YAP1: variants seen among roughly 807,000 people sequenced by gnomAD.
The protein encoded by YAP1 is Yes1 associated transcriptional regulator, also known as transcriptional coactivator YAP1.
In YAP1, 5 loss-of-function variants were observed where a neutral mutation model predicts 56.9. That is an observed-to-expected ratio of 0.09 (90% CI 0.05 to 0.18). The LOEUF (loss-of-function observed/expected upper bound fraction) is 0.18. YAP1 is among the 10% of genes least tolerant of loss of function. YAP1 has a pLI of 1.00. For synonymous variants in YAP1, 265 were observed against 248.1 expected, an observed-to-expected ratio of 1.07 and a Z score of -0.64; for missense variants, 539 against 651.8, an observed-to-expected ratio of 0.83 and a Z score of 1.88.
intron 3 of YAP1, among the ~76,000 whole-genome samples, chr11:102,171,791 C>T (rs968677547): frequency 2.6e-5 from 4 of 152,126 alleles, no homozygotes; most frequent in African/African-American, 9.7e-5. Context: ...GTATTTTTCC[C>T]TTCTTAAATC....
chr11:102,219,317 G>A (rs1432099290), intron 6 of YAP1, among the ~76,000 whole-genome samples: 1 of 152,126 alleles, frequency 6.6e-6, no homozygotes, highest in Non-Finnish European at 1.5e-5. Flanking sequence ...CTGGCCTTAG[G>A]GGGTACAGCA....
rs2135080541 is a variant in YAP1 at position 102,110,482 on chromosome 11, G to C, written c.-367G>C. ...CGCAGCCGCCGCCAGGGAAAAGAAA[G>C]GGAGGAAGGAAGGAACAAGAAAAGG... On this transcript the variant is annotated 5_prime_UTR_variant, in exon 1 of 9. Coordinates refer to ENST00000282441, the MANE Select transcript of YAP1 (RefSeq NM_001130145.3). The C allele has an allele frequency of 6.4e-6, 1 of 157,086 alleles. No homozygotes were observed. The highest frequency in any genetic ancestry group is 6.5e-5 in the Admixed American group (1 of 15,470). 9.7% of individuals were successfully genotyped at this position (157,086 alleles called of 1,614,324 possible).
chr11:102,218,163 A>G (rs1949750674), intron 6 of YAP1, among the ~76,000 whole-genome samples: 1 of 152,104 alleles, frequency 6.6e-6, no homozygotes, highest in Non-Finnish European at 1.5e-5. Flanking sequence ...AAGTTTCAAA[A>G]CTCAGCTGAG....
chr11:102,229,798 T>C lies in YAP1; in HGVS notation c.1373T>C (p.Leu458Pro), dbSNP rs1950373708. 6.2e-7 allele frequency: 1 copy of C among 1,613,978 alleles called. No individual in the cohort carries two copies. Among genetic ancestry groups the C allele is most frequent in the African/African-American group, 1.3e-5 (1 of 74,908 alleles). The change falls in exon 9 of 9, where the codon CTG (leucine) becomes CCG (proline). Residue 458 changes from leucine to proline, a missense_variant. Coordinates refer to ENST00000282441, the MANE Select transcript of YAP1 (RefSeq NM_001130145.3). ...IPGTNVDLGT[L>P]EGDGMNIEGE... ...GGGACAAATGTGGACCTTGGAACACTGGAAGGAGATGGAATGAACATAGAA... is the reference window on the plus strand; with the variant it reads ...GGGACAAATGTGGACCTTGGAACACCGGAAGGAGATGGAATGAACATAGAA...
At chr11:102,194,961 T>C (rs545636949) in intron 4 of YAP1, among the ~76,000 whole-genome samples, 1 of 152,312 alleles carries the variant, frequency 6.6e-6, no homozygotes, top group Non-Finnish European at 1.5e-5. Context: ...TATCTCTGTG[T>C]TGCTCAGTCT....
intron 2 of YAP1, among the ~76,000 whole-genome samples, chr11:102,116,224 A>G (rs1324917565): frequency 2.0e-5 from 3 of 152,160 alleles, no homozygotes; most frequent in Admixed American, 6.5e-5. Flanking sequence ...CCTTGTCATT[A>G]TTTCCTAAAT....
intron 5 of YAP1, among the ~76,000 whole-genome samples, chr11:102,208,964 C>G (rs1020960775): frequency 2.0e-5 from 3 of 152,192 alleles, no homozygotes; most frequent in Admixed American, 1.3e-4. Context: ...CTCAAACTTA[C>G]TCTGGGTGAT....
chr11:102,114,385 ACTT>A lies in YAP1; in HGVS notation c.567_569del (p.Phe189del). 6.2e-7 allele frequency: 1 copy of A among 1,612,382 alleles called. No homozygotes were observed. The highest frequency in any genetic ancestry group is 8.5e-7 in the Non-Finnish European group (1 of 1,178,440). ...GCAAAGACATCTTCTGGTCAGAGAT[ACTT>A]CTTAAAGTAAGTGAAAATAATGGTG... On this transcript the variant is annotated inframe_deletion, in exon 2 of 9. Transcript: ENST00000282441.
In YAP1 at chr11:102,165,635, G is replaced by A. The variant is rs565846669; in HGVS notation, c.688+3064G>A. ...GAAGAGGCTTGAGCATGTTTACAGCGTGCTAGAAGGTATTTAACAATAATA... is the reference window on the plus strand; with the variant it reads ...GAAGAGGCTTGAGCATGTTTACAGCATGCTAGAAGGTATTTAACAATAATA... On this transcript the variant is annotated intron_variant, in intron 3 of 8. Coordinates refer to ENST00000282441, the MANE Select transcript of YAP1 (RefSeq NM_001130145.3). 1.1e-4 allele frequency among the ~76,000 whole-genome samples: 16 copies of A among 152,120 alleles called. 1 individual carries two copies. Among genetic ancestry groups the A allele is most frequent in the South Asian group, 1.0e-3 (5 of 4,824 alleles).
At position 102,188,747 on chromosome 11, in the gene YAP1, T is replaced by C. The variant is rs539920352; in HGVS notation, c.802+2616T>C. ...GTTTGTGTAAGTACTCTCTAAGATG[T>C]TTGCACAGTGACAGAATTGCCAATG... On this transcript the variant is annotated intron_variant, in intron 4 of 8. Transcript: ENST00000282441. Among the ~76,000 whole-genome samples the C allele has an allele frequency of 2.0e-5, 3 of 152,294 alleles. No individual in the cohort carries two copies. The East Asian group carries it at 5.8e-4, about 29-fold the overall frequency.
chr11:102,123,325 T>A (rs955186144), intron 2 of YAP1, among the ~76,000 whole-genome samples: 1 of 152,208 alleles, frequency 6.6e-6, no homozygotes, highest in Non-Finnish European at 1.5e-5. Context: ...TTTGTTTTCC[T>A]GCTCTGTGCT....
intron 2 of YAP1, among the ~76,000 whole-genome samples, chr11:102,118,033 A>C (rs899179407): frequency 6.6e-6 from 1 of 152,120 alleles, no homozygotes; most frequent in African/African-American, 2.4e-5. Context: ...TTTACTTGCA[A>C]GTTTATTTTA....
intron 3 of YAP1, among the ~76,000 whole-genome samples, chr11:102,164,273 T>G (rs1483290307): frequency 6.6e-6 from 1 of 152,174 alleles, no homozygotes; most frequent in Non-Finnish European, 1.5e-5. Flanking sequence ...GACCTTGTGA[T>G]CTGCCCACCT....
In YAP1 at chr11:102,193,627, A is replaced by G. The variant is rs80315104; in HGVS notation, c.802+7496A>G. ...ACTTGATCAGTATTTCATTGATGCA[A>G]TTAGTTAATTATACAGTGAAGAAAC... is the stretch of plus-strand genomic sequence containing the variant. On this transcript the variant is annotated intron_variant, in intron 4 of 8. Coordinates refer to ENST00000282441, the MANE Select transcript of YAP1 (RefSeq NM_001130145.3). 2.7e-3 allele frequency among the ~76,000 whole-genome samples: 407 copies of G among 152,266 alleles called. 1 individual carries two copies. The highest frequency in any genetic ancestry group is 9.4e-3 in the African/African-American group (389 of 41,564).
intron 2 of YAP1, among the ~76,000 whole-genome samples, chr11:102,150,275 C>T (rs1315618747): frequency 6.6e-6 from 1 of 152,042 alleles, no homozygotes; most frequent in East Asian, 1.9e-4. Context: ...TGAGCCACTG[C>T]GCCCAGCCTG....
chr11:102,189,710 C>A (rs1287748519), intron 4 of YAP1, among the ~76,000 whole-genome samples: 1 of 152,124 alleles, frequency 6.6e-6, no homozygotes, highest in East Asian at 1.9e-4. Flanking sequence ...AACTTGCTTT[C>A]TGTGCATTTA....
chr11:102,195,454 G>T (rs1330990335), intron 4 of YAP1, among the ~76,000 whole-genome samples: 1 of 152,194 alleles, frequency 6.6e-6, no homozygotes, highest in Non-Finnish European at 1.5e-5. Context: ...GAGGCTGGGA[G>T]TTGGTGCTGG....
intron 2 of YAP1, among the ~76,000 whole-genome samples, chr11:102,141,468 T>A (rs1228494345): frequency 6.6e-6 from 1 of 152,148 alleles, no homozygotes; most frequent in Non-Finnish European, 1.5e-5. Context: ...AGAAGTGGTA[T>A]GAAAAAATAT....
intron 4 of YAP1, among the ~76,000 whole-genome samples, chr11:102,190,562 G>T (rs903860470): frequency 6.6e-6 from 1 of 152,170 alleles, no homozygotes; most frequent in Non-Finnish European, 1.5e-5. Context: ...GGCGGCAGAG[G>T]TTGCAGTGAG....
Sources: allele counts gnomAD v4.1 joint callset (sites outside exome capture counted in the v4.1 genomes callset), GRCh38; gene constraint gnomAD v4.1.1; transcripts MANE v1.5; gene names NCBI Gene and HGNC (gene_info 2026-07-23, HGNC 2026-07-21).